Variants in THAP3 observed in about 807,000 individuals in gnomAD.
The protein encoded by THAP3 is THAP domain-containing protein 3.
In THAP3, 12 loss-of-function variants were observed where a neutral mutation model predicts 17.7. The observed-to-expected ratio is 0.68, with a 90% CI of 0.43 to 1.10. The LOEUF is 1.10. THAP3 is among the 50% of genes least tolerant of loss of function. The probability of loss-of-function intolerance (pLI) is 0.00; values close to 1 mark genes in which losing one functional copy is unlikely to be tolerated. For missense variants in THAP3, 289 were observed against 318.0 expected, an observed-to-expected ratio of 0.91 and a Z score of 0.69; for synonymous variants, 133 against 126.9, an observed-to-expected ratio of 1.05 and a Z score of -0.32.
At chr1:6,635,493 C>G (rs938250072), downstream of THAP3, 22 of 652,294 alleles carry the variant, frequency 3.4e-5, no homozygotes, top group South Asian at 4.4e-4. Flanking sequence ...CTCAGTCCTA[C>G]CCCCAGCACC....
intron 1 of THAP3, 36 bp from the exon 2 acceptor site, chr1:6,625,113 CG>C: frequency 1.5e-6 from 2 of 1,298,366 alleles, no homozygotes; most frequent in Non-Finnish European, 2.1e-6. Context: ...GAGCCAGGCC[CG>C]TCACCACCTC....
chr1:6,627,411 G>T (rs940165345), intron 2 of THAP3, among the ~76,000 whole-genome samples: 4 of 152,296 alleles, frequency 2.6e-5, no homozygotes, highest in Admixed American at 2.0e-4. Flanking sequence ...TGTTGCCCAG[G>T]TGGAGTGCAG....
downstream of THAP3, chr1:6,634,973 C>T (rs987143764): frequency 2.0e-5 from 17 of 861,430 alleles, no homozygotes; most frequent in South Asian, 1.0e-4. Context: ...GTTTTCCCAC[C>T]GGGATACGGG....
Position 6,625,169 on chromosome 1 carries a change from G to C in THAP3, c.-50G>C, listed in dbSNP as rs927376647. ...CCGCAGGTCCCTCCCCTCTCCGCAG[G>C]CCCCGCCGCCGCCGCCATCTTTGTT... On this transcript the variant is annotated 5_prime_UTR_variant, in exon 2 of 6. Transcript: ENST00000054650. 1 of 1,521,138 alleles carries C rather than the reference G, an allele frequency of 6.6e-7. No homozygotes were observed. The highest frequency in any genetic ancestry group is 8.8e-7 in the Non-Finnish European group (1 of 1,137,724). The allele number at this position is 1,521,138 out of a possible 1,614,324, so 94.2% of individuals were successfully genotyped here.
chr1:6,629,181 G>T (rs985492816), intron 3 of THAP3, among the ~76,000 whole-genome samples: 3 of 152,212 alleles, frequency 2.0e-5, no homozygotes, highest in African/African-American at 7.2e-5. Context: ...GGATGTGTGG[G>T]CCTGGCTCAG....
chr1:6,625,168 G>C lies in THAP3; in HGVS notation c.-51G>C. 1.3e-6 allele frequency: 2 copies of C among 1,510,724 alleles called. No individual in the cohort carries two copies. Among genetic ancestry groups the C allele is most frequent in the Non-Finnish European group, 1.8e-6 (2 of 1,128,584 alleles). 93.6% of individuals were successfully genotyped at this position (1,510,724 alleles called of 1,614,324 possible). ...CCCGCAGGTCCCTCCCCTCTCCGCA[G>C]GCCCCGCCGCCGCCGCCATCTTTGT... On this transcript the variant is annotated 5_prime_UTR_variant, in exon 2 of 6. Coordinates refer to ENST00000054650, the MANE Select transcript of THAP3 (RefSeq NM_001195753.2).
At chr1:6,634,634 G>A (rs1304174177), downstream of THAP3, 1 of 1,366,496 alleles carries the variant, frequency 7.3e-7, no homozygotes. Flanking sequence ...CTGCAGCCGA[G>A]GTCCAGGCCG....
downstream of THAP3, chr1:6,634,309 C>G: frequency 1.0e-6 from 1 of 957,342 alleles, no homozygotes; most frequent in Non-Finnish European, 1.5e-6. Context: ...ACACGACGCT[C>G]ACCGCGGCTC....
intron 5 of THAP3, 150 bp from the exon 6 acceptor site, chr1:6,632,646 C>G (rs756596349): frequency 7.0e-7 from 1 of 1,436,026 alleles, no homozygotes; most frequent in Non-Finnish European, 9.5e-7. Flanking sequence ...AATTCTCCAC[C>G]ATGGTGTGGG....
At chr1:6,635,028 T>C (rs1641734716), downstream of THAP3, 4 of 354,184 alleles carry the variant, frequency 1.1e-5, no homozygotes, top group Non-Finnish European at 1.9e-5. Context: ...GGAGTTACAC[T>C]ACCCTGTCCC....
At chr1:6,626,377 C>T (rs906183420) in intron 2 of THAP3, among the ~76,000 whole-genome samples, 1 of 152,066 alleles carries the variant, frequency 6.6e-6, no homozygotes, top group African/African-American at 2.4e-5. Flanking sequence ...GGCCCTCCTC[C>T]TCTCTCCTGC....
downstream of THAP3, chr1:6,634,295 T>C (rs917046261): frequency 2.7e-5 from 24 of 905,132 alleles, no homozygotes; most frequent in East Asian, 5.4e-5. Flanking sequence ...CCCAGGCTCA[T>C]GCAACACGAC....
At chr1:6,631,287 A>G (rs1300534634) in intron 4 of THAP3, among the ~76,000 whole-genome samples, 1 of 150,368 alleles carries the variant, frequency 6.7e-6, no homozygotes, top group Non-Finnish European at 1.5e-5. Context: ...AAAGTGCTGG[A>G]ATTATAGGCG....
chr1:6,634,556 A>AG (rs778748238), downstream of THAP3: 13 of 1,365,178 alleles, frequency 9.5e-6, no homozygotes, highest in African/African-American at 1.9e-4. Context: ...GCTTGCTCCG[A>AG]GGGGTCAGCA....
At chr1:6,634,860 G>C (rs1414140246), downstream of THAP3, 17 of 1,223,932 alleles carry the variant, frequency 1.4e-5, no homozygotes, top group Non-Finnish European at 1.7e-5. Context: ...CAAGCGCCTG[G>C]TCCTGTCCTC....
chr1:6,628,350 C>T (rs1266127992), intron 2 of THAP3, 149 bp from the exon 3 acceptor site: 1 of 667,416 alleles, frequency 1.5e-6, no homozygotes, highest in Non-Finnish European at 2.4e-6. Flanking sequence ...CAGAAGCTTC[C>T]AGAAATTAGA....
rs544938411 is a variant in THAP3 at position 6,633,209 on chromosome 1, C to T, written c.*132C>T. The T allele has an allele frequency of 7.4e-5, 108 of 1,454,456 alleles. 2 individuals are homozygous for T. The South Asian group carries it at 1.3e-3, about 18-fold the overall frequency. 90.1% of individuals were successfully genotyped at this position (1,454,456 alleles called of 1,614,324 possible). On this transcript the variant is annotated 3_prime_UTR_variant, in exon 6 of 6. Coordinates refer to ENST00000054650, the MANE Select transcript of THAP3 (RefSeq NM_001195753.2). Reference sequence around the variant, plus strand: ...CCATGAGGCCTGCTTGGCCGGGGATCGAGACAGTAGCCAAGCTCCCCGGCG... The same window carrying T: ...CCATGAGGCCTGCTTGGCCGGGGATTGAGACAGTAGCCAAGCTCCCCGGCG...
intron 3 of THAP3, 41 bp downstream of exon 3, chr1:6,628,732 T>C: frequency 1.3e-6 from 2 of 1,567,284 alleles, no homozygotes; most frequent in Non-Finnish European, 1.7e-6. Context: ...ACATCCAGCC[T>C]GCGTTGTTTA....
chr1:6,633,004 T>A lies in THAP3; in HGVS notation c.647T>A (p.Met216Lys). ...GCCCAGAGGCTGGTGATGCGAAGGA[T>A]GTCCAGCCGCCTCCGTGCTTGCAAA... ...LQAQRLVMRR[M>K]SSRLRACKGH... The change falls in exon 6 of 6, where the codon ATG becomes AAG. Residue 216 changes from methionine to lysine, a missense_variant. Transcript: ENST00000054650. 1 of 1,612,708 alleles carries A rather than the reference T, an allele frequency of 6.2e-7. No individual in the cohort carries two copies. Among genetic ancestry groups the A allele is most frequent in the Non-Finnish European group, 8.5e-7 (1 of 1,179,822 alleles).
Sources: allele counts gnomAD v4.1 joint callset (sites outside exome capture counted in the v4.1 genomes callset), GRCh38; gene constraint gnomAD v4.1.1; transcripts MANE v1.5; gene names NCBI Gene and HGNC (gene_info 2026-07-23, HGNC 2026-07-21).